CLSTN1: variants seen among roughly 807,000 people sequenced by gnomAD.
CLSTN1 encodes the protein calsyntenin-1.
Under a neutral mutation model 108.3 loss-of-function variants are expected in CLSTN1, and 28 were observed. The observed-to-expected ratio is 0.26, with a 90% CI of 0.19 to 0.35. The LOEUF (loss-of-function observed/expected upper bound fraction) is 0.35, where lower values mean the gene tolerates loss of function less well. Ranked by LOEUF, CLSTN1 falls within the 10% of genes least tolerant of loss-of-function variation. The probability of loss-of-function intolerance (pLI) is 1.00; values close to 1 mark genes in which losing one functional copy is unlikely to be tolerated. For missense variants in CLSTN1, 1,157 were observed against 1,302.6 expected (o/e 0.89, Z 1.72); for synonymous variants, 524 against 534.9 (o/e 0.98, Z 0.28).
chr1:9,817,570 C>T lies in CLSTN1; in HGVS notation c.91+6073G>A, dbSNP rs539582684. On this transcript the variant is annotated intron_variant, in intron 1 of 18. Transcript: ENST00000377298. ...CCCGAACTCCTGACCTAAGGTGATC[C>T]GCCTGCCTCGGCCTCCCAAAGTGCT... Among the ~76,000 whole-genome samples, 9 of 152,224 alleles carry T rather than the reference C, an allele frequency of 5.9e-5. No homozygotes were observed. In the South Asian group the frequency reaches 1.5e-3, roughly 25 times the overall value.
chr1:9,815,127 G>C (rs1654919263), intron 1 of CLSTN1, among the ~76,000 whole-genome samples: 1 of 152,192 alleles, frequency 6.6e-6, no homozygotes, highest in African/African-American at 2.4e-5. Flanking sequence ...AGTGCTCTCA[G>C]TCTCTCTTAA....
intron 1 of CLSTN1, among the ~76,000 whole-genome samples, chr1:9,776,206 G>C (rs1652936145): frequency 6.6e-6 from 1 of 151,892 alleles, no homozygotes; most frequent in African/African-American, 2.4e-5. Context: ...CTGACCTCGT[G>C]TTCCGCCCAC....
chr1:9,800,062 G>A (rs1388268350), intron 1 of CLSTN1, among the ~76,000 whole-genome samples: 1 of 152,174 alleles, frequency 6.6e-6, no homozygotes, highest in Non-Finnish European at 1.5e-5. Flanking sequence ...ATCAAAATGT[G>A]TGGGATGTAG....
At position 9,755,326 on chromosome 1, in the gene CLSTN1, G is replaced by A. The variant is rs1022425614; in HGVS notation, c.245-17C>T. ...AAATCTCACCTAGGGAGTCAAAGCA[G>A]AACAGGTAAGAATTCCTACCACATA... On this transcript the variant is annotated splice_polypyrimidine_tract_variant and intron_variant, in intron 3 of 18. Transcript: ENST00000377298. The A allele has an allele frequency of 1.9e-6, 3 of 1,591,900 alleles. No individual in the cohort carries two copies. In the African/African-American group the frequency reaches 4.0e-5, roughly 21 times the overall value.
intron 12 of CLSTN1, 45 bp downstream of exon 12, chr1:9,735,840 T>A: frequency 6.2e-7 from 1 of 1,608,670 alleles, no homozygotes; most frequent in East Asian, 2.2e-5. Context: ...GGGGCTGTAG[T>A]CTAAGGGGCC....
intron 1 of CLSTN1, among the ~76,000 whole-genome samples, chr1:9,819,101 G>A (rs1655098332): frequency 6.6e-6 from 1 of 151,736 alleles, no homozygotes; most frequent in South Asian, 2.1e-4. Context: ...GCCCCTTCAA[G>A]CAAGTCTTCA....
chr1:9,770,573 C>T (rs1212991841), intron 2 of CLSTN1, among the ~76,000 whole-genome samples: 1 of 152,204 alleles, frequency 6.6e-6, no homozygotes, highest in Non-Finnish European at 1.5e-5. Context: ...TTCTGTGCCT[C>T]CGCTTCCTGC....
intron 1 of CLSTN1, among the ~76,000 whole-genome samples, chr1:9,803,811 TAAATA>T (rs1372338023): frequency 6.6e-6 from 1 of 151,864 alleles, no homozygotes; most frequent in East Asian, 1.9e-4. Flanking sequence ...TAAAAAAAAT[TAAATA>T]AAATTAAATT....
intron 1 of CLSTN1, among the ~76,000 whole-genome samples, chr1:9,784,150 CG>C (rs1156961465): frequency 7.3e-6 from 1 of 137,374 alleles, no homozygotes; most frequent in East Asian, 2.1e-4. Context: ...CCAGCCTGGG[CG>C]ACAGGAGCGA....
rs990615775 is a variant in CLSTN1 at position 9,731,446 on chromosome 1, G to A, written c.2564-56C>T. 9 of 1,564,656 alleles carry A rather than the reference G, an allele frequency of 5.8e-6. No homozygotes were observed. In the Admixed American group the frequency reaches 6.8e-5, roughly 12 times the overall value. On this transcript the variant is annotated intron_variant, in intron 17 of 18. Coordinates refer to ENST00000377298, the MANE Select transcript of CLSTN1 (RefSeq NM_001009566.3). ...GTCACTCGGCCCAGAAGGCCACTGT[G>A]CCCTTGACCTCCTCGGCTGTGCCTG... is the stretch of plus-strand genomic sequence containing the variant.
rs1655266793 is a variant in CLSTN1, at chr1:9,823,390, C to A, written c.91+253G>T. On this transcript the variant is annotated intron_variant, in intron 1 of 18. Transcript: ENST00000377298. The surrounding 1 kb of genome is among the most constrained non-coding windows in gnomAD (Gnocchi z 6.3). ...CGCCCGGGACGGAGCCTGGCTTCCC[C>A]GGGACGCCTGCAGCGCGCGCCCACA... Among the ~76,000 whole-genome samples, 1 of 152,134 alleles carries A rather than the reference C, an allele frequency of 6.6e-6. No homozygotes were observed. The highest frequency in any genetic ancestry group is 2.4e-5 in the African/African-American group (1 of 41,434).
chr1:9,817,278 T>C (rs1210323123), intron 1 of CLSTN1, among the ~76,000 whole-genome samples: 1 of 152,230 alleles, frequency 6.6e-6, no homozygotes, highest in Admixed American at 6.5e-5. Flanking sequence ...TCTTTTGATA[T>C]GCTATCACAT....
At chr1:9,755,048 T>C in intron 4 of CLSTN1, 66 bp downstream of exon 4, 2 of 1,381,108 alleles carry the variant, frequency 1.4e-6, no homozygotes, top group Non-Finnish European at 2.0e-6. Flanking sequence ...TAGTCACTAC[T>C]ATTTTCGTTC....
At chr1:9,803,533 T>C (rs1393588392) in intron 1 of CLSTN1, among the ~76,000 whole-genome samples, 1 of 152,248 alleles carries the variant, frequency 6.6e-6, no homozygotes, top group Non-Finnish European at 1.5e-5. Flanking sequence ...CCGGGCGCAG[T>C]GGCTCACGCC....
At chr1:9,760,501 G>A (rs756028629) in intron 2 of CLSTN1, among the ~76,000 whole-genome samples, 4 of 152,082 alleles carry the variant, frequency 2.6e-5, no homozygotes, top group Non-Finnish European at 5.9e-5. Flanking sequence ...ACTGGAGCAA[G>A]ACAGGGGCTA....
At position 9,731,339 on chromosome 1, in the gene CLSTN1, A is replaced by G; in HGVS notation, c.2615T>C (p.Val872Ala). 2 of 1,614,256 alleles carry G rather than the reference A, an allele frequency of 1.2e-6. No individual in the cohort carries two copies. Among genetic ancestry groups the G allele is most frequent in the Non-Finnish European group, 1.7e-6 (2 of 1,180,042 alleles). ...AAATACCCCCAGGATAATCATGAAC[A>G]CCAGGAAGCTGACGCACACCACGAT... ...VVIVVCVSFL[V>A]FMIILGVFRI... The change falls in exon 18 of 19, where the codon GTG becomes GCG. Residue 872 changes from valine (V) to alanine (A), a missense_variant. Val to Ala is a moderately conservative substitution (Grantham distance 64, BLOSUM62 0). Transcript: ENST00000377298.
chr1:9,767,544 CA>C lies in CLSTN1; in HGVS notation c.214+5727del, dbSNP rs764744601. Among the ~76,000 whole-genome samples the C allele has an allele frequency of 7.2e-3, 780 of 107,862 alleles. 9 individuals carry two copies. The highest frequency in any genetic ancestry group is 0.053 in the East Asian group (206 of 3,878). The allele number at this position is 107,862 out of a possible 152,430, so 70.8% of individuals were successfully genotyped here. On this transcript the variant is annotated intron_variant, in intron 2 of 18. Coordinates refer to ENST00000377298, the MANE Select transcript of CLSTN1 (RefSeq NM_001009566.3). ...TGGGCAACAGAGCAAGACTCCATCT[CA>C]AAAAAAAAAAAAAAACCTGCTGAAA...
At chr1:9,795,504 C>T (rs558249802) in intron 1 of CLSTN1, among the ~76,000 whole-genome samples, 4 of 151,330 alleles carry the variant, frequency 2.6e-5, no homozygotes, top group African/African-American at 7.3e-5. Flanking sequence ...AACAAAACCG[C>T]TCAATCTTAT....
intron 1 of CLSTN1, among the ~76,000 whole-genome samples, chr1:9,778,253 C>T (rs955241751): frequency 2.0e-5 from 3 of 151,762 alleles, no homozygotes; most frequent in Admixed American, 2.0e-4. Flanking sequence ...CACACACACA[C>T]ACACACACAC....
Sources: gnomAD v4.1 joint callset for allele counts (sites outside exome capture counted in the v4.1 genomes callset) on GRCh38, gnomAD v4.1.1 for gene constraint, Gnocchi (gnomAD v3.1) non-coding constraint, MANE v1.5 for transcripts, NCBI Gene and HGNC (gene_info 2026-07-23, HGNC 2026-07-21) for gene names.